The following MACF1 variants were observed in gnomAD, a reference collection of about 807,000 sequenced individuals.
MACF1 encodes microtubule-actin cross-linking factor 1.
MACF1 carries 193 observed loss-of-function variants against 854.8 expected under a neutral mutation model. The ratio of observed to expected loss-of-function variants is 0.23; its 90% CI spans 0.20 to 0.25. MACF1 has a LOEUF of 0.25. MACF1 is among the 10% of genes least tolerant of loss of function. The pLI is 1.00. For synonymous variants in MACF1, 3,185 were observed against 3,226.7 expected (o/e 0.99, Z 0.44); for missense variants, 7,722 against 8,929.1 (o/e 0.86, Z 5.45).
In MACF1 at chr1:39,340,482, A is replaced by G. The variant is rs772435016; in HGVS notation, c.10216-20A>G. 1 of 1,581,440 alleles carries G rather than the reference A, an allele frequency of 6.3e-7. No individual in the cohort carries two copies. Among genetic ancestry groups the G allele is most frequent in the Non-Finnish European group, 8.7e-7 (1 of 1,154,946 alleles). ...GTTTCTAGTCTTGCTTTTATAGGTA[A>G]CTCCACTTTATTCCCTCAGGTATTA... On this transcript the variant is annotated intron_variant, in intron 38 of 100. Transcript: ENST00000564288.
At chr1:39,471,745 T>C (rs996685814) in intron 97 of MACF1, among the ~76,000 whole-genome samples, 8 of 152,176 alleles carry the variant, frequency 5.3e-5, no homozygotes, top group Admixed American at 6.5e-5. Flanking sequence ...ATTAGACATA[T>C]TAGCTCCCCC....
Position 39,440,971 on chromosome 1 carries a change from T to G in MACF1, c.18448-32T>G. 4 of 1,613,408 alleles carry G rather than the reference T, an allele frequency of 2.5e-6. No individual in the cohort carries two copies. The Admixed American group carries it at 5.0e-5, about 20-fold the overall frequency. On this transcript the variant is annotated intron_variant, in intron 72 of 100. Transcript: ENST00000564288. Reference sequence around the variant, plus strand: ...TTGGTAAGTTCTGTTCTGTTTTCTATTTTGGCTTATATTCTATTCGTTTAC... The same window carrying G: ...TTGGTAAGTTCTGTTCTGTTTTCTAGTTTGGCTTATATTCTATTCGTTTAC...
upstream of MACF1, among the ~76,000 whole-genome samples, chr1:39,200,674 G>A (rs1460443799): frequency 6.6e-6 from 1 of 151,850 alleles, no homozygotes; most frequent in Non-Finnish European, 1.5e-5. Context: ...ACTGCAGCTT[G>A]GGTGACAGAG....
chr1:39,443,337 G>A, intron 78 of MACF1, 109 bp from the exon 79 acceptor site: 1 of 1,175,890 alleles, frequency 8.5e-7, no homozygotes, highest in Non-Finnish European at 1.2e-6. Context: ...TTGCCAGAGA[G>A]CAGCCGAAAA....
intron 2 of MACF1, among the ~76,000 whole-genome samples, chr1:39,185,809 G>C (rs1474620646): frequency 6.6e-6 from 1 of 152,132 alleles, no homozygotes; most frequent in Non-Finnish European, 1.5e-5. Context: ...CCTCCTCCCT[G>C]CTAGCAGCCA....
At chr1:39,485,129 C>T (rs1298331587) in intron 100 of MACF1, 1 of 318,332 alleles carries the variant, frequency 3.1e-6, no homozygotes, top group Non-Finnish European at 5.8e-6. Context: ...CACATCTGTT[C>T]TCCTGCTACT....
At chr1:39,392,723 A>G (rs958074288) in intron 58 of MACF1, among the ~76,000 whole-genome samples, 1 of 152,142 alleles carries the variant, frequency 6.6e-6, no homozygotes, top group Non-Finnish European at 1.5e-5. Flanking sequence ...GTCTGTGGGG[A>G]AAATTATTTC....
intron 2 of MACF1, among the ~76,000 whole-genome samples, chr1:39,186,645 C>T (rs1326773856): frequency 6.6e-6 from 1 of 151,268 alleles, no homozygotes; most frequent in African/African-American, 2.4e-5. Flanking sequence ...TCTCACTCTT[C>T]CACCCAGGCT....
rs749701916 is a variant in MACF1 at position 39,385,868 on chromosome 1, T to C, written c.14283T>C (p.Asp4761=). 1.2e-6 allele frequency: 2 copies of C among 1,614,100 alleles called. No individual in the cohort carries two copies. Among genetic ancestry groups the C allele is most frequent in the Non-Finnish European group, 1.7e-6 (2 of 1,180,000 alleles). ...SVLIGEQYLK[D]ELKKRLETVA... is the part of the protein sequence containing the mutation. ...TCATTGGTGAGCAGTACCTCAAGGA[T>C]GAACTGAAGAAGCGTTTGGAGACAG... The change falls in exon 57 of 101, where the codon GAT becomes GAC. Residue 4761 remains aspartate, a synonymous_variant. Transcript: ENST00000564288.
intron 97 of MACF1, among the ~76,000 whole-genome samples, chr1:39,470,612 C>G (rs79756748): frequency 0.015 from 2,213 of 152,308 alleles, 38 homozygotes; most frequent in African/African-American, 0.05. Context: ...TGCCACTGCA[C>G]TCCAGCCTGG....
In MACF1 at chr1:39,198,824, A is replaced by T. The variant is rs983827017; in HGVS notation, c.221-32358A>T. Among the ~76,000 whole-genome samples the T allele has an allele frequency of 7.9e-5, 12 of 152,110 alleles. No homozygotes were observed. The South Asian group carries it at 8.3e-4, about 11-fold the overall frequency. On this transcript the variant is annotated intron_variant, in intron 2 of 93. Coordinates refer to the MACF1 transcript ENST00000361689. ...GGCAACAGAGCAAGACTCTGTCTCA[A>T]GAAAGAAATAAAAGGGAAGAAACAG... is the stretch of plus-strand genomic sequence containing the variant.
chr1:39,431,162 C>G (rs536130204), intron 66 of MACF1, among the ~76,000 whole-genome samples: 1 of 152,240 alleles, frequency 6.6e-6, no homozygotes, highest in East Asian at 1.9e-4. Context: ...CTTTTCTTAG[C>G]TAATGCCCTG....
chr1:39,210,929 C>T (rs544917186), intron 1 of MACF1, among the ~76,000 whole-genome samples: 2 of 143,402 alleles, frequency 1.4e-5, no homozygotes, highest in South Asian at 4.8e-4. Context: ...CTCCCTCCCT[C>T]CCTCCCTCTC....
chr1:39,297,480 C>T (rs564342186), intron 20 of MACF1, 140 bp from the exon 21 acceptor site: 2 of 1,007,280 alleles, frequency 2.0e-6, no homozygotes, highest in Admixed American at 4.5e-5. Context: ...TTTCAGTGGT[C>T]CTTGTAATAA....
intron 6 of MACF1, among the ~76,000 whole-genome samples, chr1:39,259,871 G>A (rs1645139602): frequency 6.6e-6 from 1 of 152,024 alleles, no homozygotes; most frequent in African/African-American, 2.4e-5. Flanking sequence ...ACCTGCCTCA[G>A]CCTCCCAAAG....
intron 20 of MACF1, among the ~76,000 whole-genome samples, chr1:39,297,322 C>T (rs1002167851): frequency 3.9e-5 from 6 of 152,178 alleles, no homozygotes; most frequent in South Asian, 2.1e-4. Context: ...ATACACCCCA[C>T]AGCCAAATGC....
chr1:39,435,083 A>G (rs984986625), intron 69 of MACF1, among the ~76,000 whole-genome samples: 2 of 152,344 alleles, frequency 1.3e-5, no homozygotes, highest in African/African-American at 2.4e-5. Context: ...TGCTATTCTT[A>G]TAAGTGGAAG....
chr1:39,485,582 C>T lies in MACF1; in HGVS notation c.22456C>T (p.Arg7486Ter). The change falls in exon 101 of 101, where the codon CGA (arginine) becomes TGA (stop). Residue 7486 changes from arginine to a stop codon, truncating the protein, a stop_gained. Coordinates refer to ENST00000564288, the MANE Select transcript of MACF1 (RefSeq NM_001394062.1). LOFTEE classifies it high-confidence loss of function. Reference protein sequence around the residue: ...ASRPGSRAGSRAGSRASSRRG... With the variant: ...ASRPGSRAGS ...TCGCCCTGGGAGTCGGGCTGGGAGT[C>T]GAGCCGGGAGTCGAGCCAGCAGCCG... The T allele has an allele frequency of 6.2e-7, 1 of 1,613,876 alleles. No homozygotes were observed. Among genetic ancestry groups the T allele is most frequent in the South Asian group, 1.1e-5 (1 of 91,064 alleles).
In MACF1 at chr1:39,292,782, A is replaced by G. The variant is rs763197248; in HGVS notation, c.1931A>G (p.Asn644Ser). 6.2e-7 allele frequency: 1 copy of G among 1,611,652 alleles called. No individual in the cohort carries two copies. Among genetic ancestry groups the G allele is most frequent in the South Asian group, 1.1e-5 (1 of 90,444 alleles). Reference sequence around the variant, plus strand: ...TTTAATCAGGGAAAGATGTCCCAGAATTTCCATACCAGCTATGCTGAAACT... The same window carrying G: ...TTTAATCAGGGAAAGATGTCCCAGAGTTTCCATACCAGCTATGCTGAAACT... ...ARLYEGKMSQ[N>S]FHTSYAETLG... is the part of the protein sequence containing the mutation. The change falls in exon 17 of 101, where the codon AAT becomes AGT. Residue 644 changes from asparagine (N) to serine (S), a missense_variant. Around this residue, in one of 15 missense-constraint regions of MACF1, gnomAD observed 1,137 missense variants for 1,263.0 expected, o/e 0.90. Transcript: ENST00000564288.
Sources: gnomAD v4.1 joint callset for allele counts (sites outside exome capture counted in the v4.1 genomes callset) on GRCh38, gnomAD v4.1.1 for gene constraint, gnomAD v4.1.1 regional missense constraint, MANE v1.5 for transcripts, NCBI Gene and HGNC (gene_info 2026-07-23, HGNC 2026-07-21) for gene names.